The following SNX29 variants were observed in gnomAD, a reference collection of about 807,000 sequenced individuals.
SNX29 encodes the protein sorting nexin-29.
A neutral mutation model predicts 102.1 loss-of-function variants in SNX29; 78 were observed. That is an observed-to-expected ratio of 0.76 (90% CI 0.64 to 0.92). The LOEUF is 0.92. SNX29 is among the 40% of genes least tolerant of loss of function. The pLI, the probability that SNX29 is intolerant of heterozygous loss-of-function variation, is 0.00. For missense variants in SNX29, 1,280 were observed against 1,061.7 expected (o/e 1.21, Z -2.86); for synonymous variants, 580 against 414.5 (o/e 1.40, Z -4.85).
chr16:12,419,566 C>A (rs1011431617), intron 18 of SNX29, among the ~76,000 whole-genome samples: 1 of 151,590 alleles, frequency 6.6e-6, no homozygotes, highest in Admixed American at 6.5e-5. Flanking sequence ...GACTCAGCCC[C>A]CCCCCCCATC....
intron 15 of SNX29, among the ~76,000 whole-genome samples, chr16:12,332,098 A>G (rs2081307018): frequency 1.3e-5 from 2 of 152,100 alleles, no homozygotes; most frequent in Admixed American, 1.3e-4. Context: ...TTACAATGTG[A>G]GCATTACTTA....
intron 19 of SNX29, among the ~76,000 whole-genome samples, chr16:12,506,812 A>G (rs979456057): frequency 5.3e-5 from 8 of 152,250 alleles, no homozygotes; most frequent in African/African-American, 1.9e-4. Context: ...TACTAACCAC[A>G]CTTCCCTCCC....
chr16:12,398,994 T>C (rs1452217178), intron 17 of SNX29, among the ~76,000 whole-genome samples: 1 of 152,198 alleles, frequency 6.6e-6, no homozygotes, highest in Non-Finnish European at 1.5e-5. Flanking sequence ...GGATTTTTGA[T>C]TGGGTTCAAT....
intron 19 of SNX29, among the ~76,000 whole-genome samples, chr16:12,492,745 A>G (rs1268271420): frequency 2.0e-5 from 3 of 152,230 alleles, no homozygotes; most frequent in Admixed American, 6.5e-5. Context: ...AGCTTTCTAC[A>G]TATGGCTAGC....
intron 14 of SNX29, among the ~76,000 whole-genome samples, chr16:12,240,596 T>TTC (rs1248512429): frequency 1.6e-4 from 19 of 122,534 alleles, no homozygotes; most frequent in Non-Finnish European, 2.7e-4. Flanking sequence ...TTTTTTTTTT[T>TTC]TTTTTTTTTT....
At chr16:12,053,602 G>A (rs1315515296) in intron 8 of SNX29, among the ~76,000 whole-genome samples, 4 of 151,384 alleles carry the variant, frequency 2.6e-5, no homozygotes, top group Admixed American at 6.6e-5. Context: ...TTATGGTATT[G>A]TTTAGGCTGC....
intron 13 of SNX29, among the ~76,000 whole-genome samples, chr16:12,159,763 A>T (rs2055703783): frequency 3.9e-5 from 6 of 152,202 alleles, no homozygotes; most frequent in Admixed American, 3.9e-4. Flanking sequence ...GACTGGGAGA[A>T]CTCATACCTC....
At chr16:12,122,190 C>T (rs571281700) in intron 11 of SNX29, among the ~76,000 whole-genome samples, 1 of 152,192 alleles carries the variant, frequency 6.6e-6, no homozygotes, top group Non-Finnish European at 1.5e-5. Context: ...TCTCCACAGT[C>T]ACCGTGGTGG....
chr16:12,313,562 C>T (rs914870627), intron 15 of SNX29, among the ~76,000 whole-genome samples: 8 of 152,316 alleles, frequency 5.3e-5, no homozygotes, highest in Non-Finnish European at 1.2e-4. Flanking sequence ...CGTCAGCCCT[C>T]TTGTGGAATT....
At chr16:12,401,942 G>C (rs7197692) in intron 17 of SNX29, among the ~76,000 whole-genome samples, 2,014 of 152,264 alleles carry the variant, frequency 0.013, 46 homozygotes, top group African/African-American at 0.046. Context: ...GGGTAACCTC[G>C]CTCTAACCCT....
At chr16:12,334,676 C>A (rs1170458095) in intron 15 of SNX29, among the ~76,000 whole-genome samples, 2 of 152,120 alleles carry the variant, frequency 1.3e-5, no homozygotes, top group East Asian at 1.9e-4. Flanking sequence ...CGGGCCATTT[C>A]CCATAAAGCT....
At chr16:12,360,034 G>C (rs1288973220) in intron 16 of SNX29, among the ~76,000 whole-genome samples, 1 of 152,182 alleles carries the variant, frequency 6.6e-6, no homozygotes, top group African/African-American at 2.4e-5. Flanking sequence ...ATTTTGGCCA[G>C]GCTGGTCTCG....
Position 12,562,819 on chromosome 16 carries a change from A to C in SNX29, c.2319-5687A>C, listed in dbSNP as rs559474841. Among the ~76,000 whole-genome samples the C allele has an allele frequency of 4.6e-5, 7 of 152,206 alleles. No homozygotes were observed. The South Asian group carries it at 1.5e-3, about 32-fold the overall frequency. ...GATGTGGAACAACTCCTTTCCCCCC[A>C]AATTTCCTAGCATTCCCCTATAGGC... On this transcript the variant is annotated intron_variant, in intron 20 of 20. Coordinates refer to ENST00000566228, the MANE Select transcript of SNX29 (RefSeq NM_032167.5).
At chr16:12,559,962 G>GAGCA (rs1339449345) in intron 20 of SNX29, among the ~76,000 whole-genome samples, 1 of 152,174 alleles carries the variant, frequency 6.6e-6, no homozygotes, top group Non-Finnish European at 1.5e-5. Context: ...CTGGGCAACA[G>GAGCA]AGCAAGACTC....
At chr16:12,421,575 C>G (rs1317756243) in intron 18 of SNX29, among the ~76,000 whole-genome samples, 3 of 152,216 alleles carry the variant, frequency 2.0e-5, no homozygotes, top group Non-Finnish European at 1.5e-5. Context: ...ATTTTCCTAT[C>G]AGAGTGCTGT....
intron 16 of SNX29, among the ~76,000 whole-genome samples, chr16:12,395,637 G>A (rs145843038): frequency 1.2e-3 from 178 of 152,292 alleles, no homozygotes; most frequent in African/African-American, 4.0e-3. Flanking sequence ...TGGCTGGTTT[G>A]TGCCCCATAT....
At chr16:12,280,243 G>A (rs1250306409) in intron 15 of SNX29, among the ~76,000 whole-genome samples, 3 of 152,352 alleles carry the variant, frequency 2.0e-5, no homozygotes, top group South Asian at 4.1e-4. Flanking sequence ...CACGGGTCGG[G>A]AACAGAGTAG....
chr16:12,279,291 T>A (rs1255493163), intron 15 of SNX29, among the ~76,000 whole-genome samples: 1 of 152,240 alleles, frequency 6.6e-6, no homozygotes, highest in Non-Finnish European at 1.5e-5. Flanking sequence ...CCTAAGTTCA[T>A]TGCTGGTGCA....
chr16:12,391,214 G>A (rs549975048), intron 16 of SNX29, among the ~76,000 whole-genome samples: 3 of 152,246 alleles, frequency 2.0e-5, no homozygotes, highest in African/African-American at 7.2e-5. Flanking sequence ...CTGAATTACT[G>A]GGATTACAAG....
Sources: gnomAD v4.1 joint callset for allele counts (sites outside exome capture counted in the v4.1 genomes callset) on GRCh38, gnomAD v4.1.1 for gene constraint, MANE v1.5 for transcripts, NCBI Gene and HGNC (gene_info 2026-07-23, HGNC 2026-07-21) for gene names.